TSHZ3: variants seen among roughly 807,000 people sequenced by gnomAD.
The protein encoded by TSHZ3 is teashirt homolog 3.
TSHZ3 carries 10 observed loss-of-function variants against 64.5 expected under a neutral mutation model. That is an observed-to-expected ratio of 0.16 (90% CI 0.10 to 0.26). The LOEUF is 0.26. Among genes scored for constraint, TSHZ3 ranks in the 10% least tolerant of loss-of-function variants. The pLI is 1.00. For synonymous variants in TSHZ3, 608 were observed against 593.1 expected (o/e 1.03, Z -0.36); for missense variants, 1,242 against 1,421.7 (o/e 0.87, Z 2.03).
chr19:31,350,718 A>C (rs1250381214), upstream of TSHZ3, among the ~76,000 whole-genome samples: 1 of 149,892 alleles, frequency 6.7e-6, no homozygotes, highest in Non-Finnish European at 1.5e-5. Context: ...GGGCTCACTT[A>C]CGGGCGGCGG....
At chr19:31,305,042 GAC>G (rs1235951136) in intron 1 of TSHZ3, among the ~76,000 whole-genome samples, 3 of 152,124 alleles carry the variant, frequency 2.0e-5, no homozygotes, top group African/African-American at 7.2e-5. Context: ...GTAATCTGTT[GAC>G]AGATTATTGC....
chr19:31,236,988 A>C (rs1368034872), intron 3 of TSHZ3, among the ~76,000 whole-genome samples: 2 of 152,206 alleles, frequency 1.3e-5, no homozygotes, highest in Non-Finnish European at 2.9e-5. Context: ...GTCTCTACTA[A>C]AAATACAAAT....
At chr19:31,168,742 A>G (rs1051937451) in intron 5 of TSHZ3, among the ~76,000 whole-genome samples, 1 of 152,180 alleles carries the variant, frequency 6.6e-6, no homozygotes. Context: ...TGTGCCTTTC[A>G]GTATACCTTG....
At chr19:31,297,007 T>C (rs1265415293) in intron 1 of TSHZ3, among the ~76,000 whole-genome samples, 3 of 152,198 alleles carry the variant, frequency 2.0e-5, no homozygotes, top group African/African-American at 7.2e-5. Context: ...CAGTCCTAAT[T>C]TTGACCTCAG....
chr19:31,184,502 C>T (rs1347517016), intron 5 of TSHZ3, among the ~76,000 whole-genome samples: 1 of 152,186 alleles, frequency 6.6e-6, no homozygotes, highest in African/African-American at 2.4e-5. Flanking sequence ...TGATTACAGC[C>T]TCATCTGTCT....
At position 31,339,225 on chromosome 19, in the gene TSHZ3, G is replaced by A. The variant is rs373146163; in HGVS notation, c.40+9955C>T. Among the ~76,000 whole-genome samples, 165 of 147,772 alleles carry A rather than the reference G, an allele frequency of 1.1e-3. 1 individual carries two copies. Among genetic ancestry groups the A allele is most frequent in the African/African-American group, 3.9e-3 (156 of 40,262 alleles). ...TTTTTCTCTCCCCTTGACTAATGGG[G>A]AAAAAAAAAGGCAGGGAAAAGAGAA... On this transcript the variant is annotated intron_variant, in intron 1 of 1. Transcript: ENST00000240587.
At chr19:31,273,504 C>CA (rs1247141117), downstream of TSHZ3, among the ~76,000 whole-genome samples, 4 of 152,156 alleles carry the variant, frequency 2.6e-5, no homozygotes, top group Admixed American at 2.0e-4. Context: ...GTCACTCGTA[C>CA]AAATCCCATC....
Position 31,286,587 on chromosome 19 carries a change from C to T in TSHZ3, c.41-6835G>A, listed in dbSNP as rs537131897. On this transcript the variant is annotated intron_variant, in intron 1 of 1. Transcript: ENST00000240587. ...GGAACCAGTTCTGACCCCAAGCCCTCTGCTGCAACCCCTCGGGATGAGTCA... is the reference window on the plus strand; with the variant it reads ...GGAACCAGTTCTGACCCCAAGCCCTTTGCTGCAACCCCTCGGGATGAGTCA... Among the ~76,000 whole-genome samples the T allele has an allele frequency of 1.1e-4, 16 of 152,350 alleles. No homozygotes were observed. The South Asian group carries it at 3.3e-3, about 32-fold the overall frequency.
At chr19:31,349,113 G>T (rs373604866) in intron 1 of TSHZ3, 67 bp downstream of exon 1, 2 of 1,510,250 alleles carry the variant, frequency 1.3e-6, no homozygotes, top group African/African-American at 1.4e-5. Flanking sequence ...GGTCGCGCCC[G>T]CTGGAGGCGC....
chr19:31,285,480 A>AG lies in TSHZ3; in HGVS notation c.41-5729_41-5728insC, dbSNP rs1471300161. On this transcript the variant is annotated intron_variant, in intron 1 of 1. Transcript: ENST00000240587. ...GGGTGACAGAGTGATTCTGTCTCAA[A>AG]AAAAAAAAAAAGGAAAAGTAGGCCA... is the stretch of plus-strand genomic sequence containing the variant. 1.8e-3 allele frequency among the ~76,000 whole-genome samples: 263 copies of AG among 150,066 alleles called. 2 individuals carry two copies. The highest frequency in any genetic ancestry group is 6.1e-3 in the African/African-American group (251 of 40,834).
At chr19:31,284,044 C>T (rs1010973192) in intron 1 of TSHZ3, among the ~76,000 whole-genome samples, 5 of 152,160 alleles carry the variant, frequency 3.3e-5, no homozygotes, top group African/African-American at 1.2e-4. Flanking sequence ...TGGGAAATTC[C>T]GCTACTGTCT....
intron 4 of TSHZ3, among the ~76,000 whole-genome samples, chr19:31,221,736 ATTATC>A (rs1975396931): frequency 6.6e-6 from 1 of 152,152 alleles, no homozygotes; most frequent in Non-Finnish European, 1.5e-5. Context: ...CCATGAGTTT[ATTATC>A]TTAGCATTAA....
chr19:31,316,814 A>G (rs1188486228), intron 1 of TSHZ3, among the ~76,000 whole-genome samples: 1 of 151,708 alleles, frequency 6.6e-6, no homozygotes, highest in Non-Finnish European at 1.5e-5. Flanking sequence ...ACAGAAGCCA[A>G]CCCCCGCCCC....
chr19:31,277,353 C>G lies in TSHZ3; in HGVS notation c.2440G>C (p.Ala814Pro), dbSNP rs1976258427. ...ACCGTGGATGAGGAGGTTGCCGGGG[C>G]TGTGGACGTGGGTGACAGAAGCACT... ...GSVLLSPTST[A>P]PATSSSTVTT... Residue 814 changes from alanine (A) to proline (P), a missense_variant, in exon 2 of 2, where the codon GCC (alanine) becomes CCC (proline). Coordinates refer to ENST00000240587, the MANE Select transcript of TSHZ3 (RefSeq NM_020856.4). This position sits in a 1 kb window ranked among gnomAD's most constrained non-coding sequence, Gnocchi z 4.5. 5 of 1,613,880 alleles carry G rather than the reference C, an allele frequency of 3.1e-6. No homozygotes were observed. Among genetic ancestry groups the G allele is most frequent in the Non-Finnish European group, 4.2e-6 (5 of 1,179,884 alleles).
chr19:31,203,614 G>A (rs367937514), intron 5 of TSHZ3, among the ~76,000 whole-genome samples: 18 of 151,892 alleles, frequency 1.2e-4, no homozygotes, highest in Non-Finnish European at 2.5e-4. Context: ...CCCTCGGGAC[G>A]GTCACACCAC....
chr19:31,195,317 C>G (rs1423285241), intron 5 of TSHZ3, among the ~76,000 whole-genome samples: 3 of 151,846 alleles, frequency 2.0e-5, no homozygotes, highest in Non-Finnish European at 4.4e-5. Flanking sequence ...GAAAATCAAA[C>G]ATAAAGAAAA....
intron 1 of TSHZ3, among the ~76,000 whole-genome samples, chr19:31,265,397 C>A (rs1387404536): frequency 2.6e-3 from 88 of 34,236 alleles, no homozygotes; most frequent in South Asian, 0.015. Flanking sequence ...AACTCTGTCT[C>A]AAAAAAAAAA....
chr19:31,272,813 G>A (rs1976161372), downstream of TSHZ3, among the ~76,000 whole-genome samples: 1 of 152,100 alleles, frequency 6.6e-6, no homozygotes, highest in South Asian at 2.1e-4. Flanking sequence ...TATACAGTAG[G>A]ACTGCAGCAA....
chr19:31,237,843 A>T (rs1975639607), intron 3 of TSHZ3, among the ~76,000 whole-genome samples: 1 of 152,048 alleles, frequency 6.6e-6, no homozygotes, highest in South Asian at 2.1e-4. Context: ...TTATCTTGTA[A>T]TTTTCACTGG....
Sources: allele counts gnomAD v4.1 joint callset (sites outside exome capture counted in the v4.1 genomes callset), GRCh38; gene constraint gnomAD v4.1.1; non-coding constraint Gnocchi (gnomAD v3.1); transcripts MANE v1.5; gene names NCBI Gene and HGNC (gene_info 2026-07-23, HGNC 2026-07-21).